CTNND2: variants seen among roughly 807,000 people sequenced by gnomAD.
The protein encoded by CTNND2 is catenin delta 2.
In CTNND2, 22 loss-of-function variants were observed where a neutral mutation model predicts 144.4. That is an observed-to-expected ratio of 0.15 (90% CI 0.11 to 0.22). The LOEUF is 0.22. Among genes scored for constraint, CTNND2 ranks in the 10% least tolerant of loss-of-function variants. The probability of loss-of-function intolerance (pLI) is 1.00; values close to 1 mark genes in which losing one functional copy is unlikely to be tolerated. For missense variants in CTNND2, 1,353 were observed against 1,618.8 expected (o/e 0.84, Z 2.82); for synonymous variants, 751 against 695.6 (o/e 1.08, Z -1.25).
At chr5:11,316,889 G>A (rs1029218667) in intron 9 of CTNND2, among the ~76,000 whole-genome samples, 11 of 151,644 alleles carry the variant, frequency 7.3e-5, no homozygotes, top group East Asian at 1.9e-4. Context: ...CCAGTCTATC[G>A]TTGTTGGACA....
Position 11,597,280 on chromosome 5 carries a change from C to A in CTNND2, c.175-32224G>T, listed in dbSNP as rs12519415. Reference sequence around the variant, plus strand: ...GTGTATGTTACAGCTTAAGTTCGTTCTAGAACTGATATTGCATTATTTGAA... The same window carrying A: ...GTGTATGTTACAGCTTAAGTTCGTTATAGAACTGATATTGCATTATTTGAA... On this transcript the variant is annotated intron_variant, in intron 2 of 21. Transcript: ENST00000304623. Among the ~76,000 whole-genome samples, 600 of 152,272 alleles carry A rather than the reference C, an allele frequency of 3.9e-3. 33 individuals are homozygous for A. In the East Asian group the frequency reaches 0.1, roughly 26 times the overall value.
chr5:11,440,890 G>A (rs1764201352), intron 3 of CTNND2, among the ~76,000 whole-genome samples: 1 of 152,094 alleles, frequency 6.6e-6, no homozygotes, highest in South Asian at 2.1e-4. Context: ...TTTATATGCT[G>A]AGTTTACACA....
chr5:11,169,509 G>C (rs545829095), intron 11 of CTNND2, among the ~76,000 whole-genome samples: 17 of 152,248 alleles, frequency 1.1e-4, no homozygotes, highest in African/African-American at 4.1e-4. Flanking sequence ...TGGAACAAAG[G>C]GTATTGAGCT....
intron 2 of CTNND2, among the ~76,000 whole-genome samples, chr5:11,725,802 T>A (rs1786985369): frequency 6.6e-6 from 1 of 152,212 alleles, no homozygotes; most frequent in Admixed American, 6.5e-5. Context: ...CTGTTCTTTT[T>A]AAAAAACGTT....
Position 11,116,926 on chromosome 5 carries a change from G to C in CTNND2, c.2277+524C>G, listed in dbSNP as rs138395127. On this transcript the variant is annotated intron_variant, in intron 13 of 21. Coordinates refer to ENST00000304623, the MANE Select transcript of CTNND2 (RefSeq NM_001332.4). ...TACAAAAAAATAGCCGGGTGTGGTG[G>C]TGCACGCCTGTAATCTTAGCTACTC... is the stretch of plus-strand genomic sequence containing the variant. Among the ~76,000 whole-genome samples, 597 of 152,140 alleles carry C rather than the reference G, an allele frequency of 3.9e-3. 4 individuals are homozygous for C. Among genetic ancestry groups the C allele is most frequent in the South Asian group, 0.011 (51 of 4,804 alleles).
chr5:11,895,849 A>G (rs919409034), intron 1 of CTNND2, among the ~76,000 whole-genome samples: 2 of 152,202 alleles, frequency 1.3e-5, no homozygotes, highest in African/African-American at 4.8e-5. Flanking sequence ...AAATTAGAAA[A>G]TATTTAACCT....
chr5:11,429,315 A>G (rs1763056982), intron 3 of CTNND2, among the ~76,000 whole-genome samples: 1 of 152,222 alleles, frequency 6.6e-6, no homozygotes, highest in South Asian at 2.1e-4. Context: ...TTTCACTTAT[A>G]AATGTTCCAT....
At chr5:11,097,580 G>C (rs1179470458) in intron 15 of CTNND2, among the ~76,000 whole-genome samples, 2 of 152,170 alleles carry the variant, frequency 1.3e-5, no homozygotes, top group African/African-American at 2.4e-5. Context: ...TGGAAACAAA[G>C]GATGACAGAG....
At chr5:11,479,879 G>A (rs1014274225) in intron 3 of CTNND2, among the ~76,000 whole-genome samples, 15 of 151,940 alleles carry the variant, frequency 9.9e-5, no homozygotes, top group African/African-American at 3.6e-4. Flanking sequence ...TTATAAATTG[G>A]TTAAGTTCCT....
chr5:11,189,226 T>C (rs1366018076), intron 11 of CTNND2, among the ~76,000 whole-genome samples: 1 of 152,198 alleles, frequency 6.6e-6, no homozygotes. Flanking sequence ...ACAGGTGCCA[T>C]GATCTTGACC....
At chr5:11,743,307 C>G (rs1219514085) in intron 1 of CTNND2, among the ~76,000 whole-genome samples, 1 of 152,126 alleles carries the variant, frequency 6.6e-6, no homozygotes, top group African/African-American at 2.4e-5. Context: ...CTCTATGTGG[C>G]ATTTGAAATG....
chr5:11,607,939 C>T (rs1205808480), intron 2 of CTNND2, among the ~76,000 whole-genome samples: 1 of 152,150 alleles, frequency 6.6e-6, no homozygotes, highest in Admixed American at 6.6e-5. Flanking sequence ...TCATTATCAA[C>T]CATAAAAAAC....
At chr5:11,175,949 C>T (rs1760441277) in intron 11 of CTNND2, among the ~76,000 whole-genome samples, 1 of 152,170 alleles carries the variant, frequency 6.6e-6, no homozygotes, top group Admixed American at 6.5e-5. Context: ...TTCCCATGCG[C>T]ATTCCTTTTA....
intron 1 of CTNND2, among the ~76,000 whole-genome samples, chr5:11,758,188 T>C (rs1020182454): frequency 6.6e-6 from 1 of 151,988 alleles, no homozygotes; most frequent in Non-Finnish European, 1.5e-5. Context: ...ATCTTTCTAA[T>C]TCCCTATGAT....
intron 1 of CTNND2, among the ~76,000 whole-genome samples, chr5:11,902,342 T>C (rs1198419754): frequency 6.6e-6 from 1 of 152,182 alleles, no homozygotes; most frequent in African/African-American, 2.4e-5. Flanking sequence ...ACACGTCTCG[T>C]AGCAGAAATC....
At chr5:11,215,947 T>C (rs939633405) in intron 10 of CTNND2, among the ~76,000 whole-genome samples, 2 of 152,094 alleles carry the variant, frequency 1.3e-5, no homozygotes, top group Non-Finnish European at 2.9e-5. Flanking sequence ...ATAACGAGAG[T>C]TGGGACTTAT....
chr5:11,627,720 G>A lies in CTNND2; in HGVS notation c.175-62664C>T, dbSNP rs930705241. 5.9e-5 allele frequency among the ~76,000 whole-genome samples: 9 copies of A among 151,564 alleles called. 1 individual carries two copies. The South Asian group carries it at 1.5e-3, about 25-fold the overall frequency. On this transcript the variant is annotated intron_variant, in intron 2 of 21. Coordinates refer to ENST00000304623, the MANE Select transcript of CTNND2 (RefSeq NM_001332.4). ...GTGTGGGGGAGGGCAATGGTTTCGG[G>A]ATGATTCAAGTGTGTTACATTTATT...
At position 11,564,989 on chromosome 5, in the gene CTNND2, T is replaced by A. The variant is rs761431434; in HGVS notation, c.242A>T (p.Glu81Val). Residue 81 changes from glutamate to valine, a missense_variant, in exon 3 of 22, where the codon GAG becomes GTG. Physicochemically the swap from Glu to Val is moderately radical, Grantham distance 121. Coordinates refer to ENST00000304623, the MANE Select transcript of CTNND2 (RefSeq NM_001332.4). The part of the protein sequence containing the change: ...AERQIVASQL[E>V]RCKLGSETGS... ...AGTCTCGGATCCGAGCTTGCATCGC[T>A]CCAGCTGGCTGGCTACGATCTGCCG... is the stretch of plus-strand genomic sequence containing the variant. 4 of 1,613,938 alleles carry A rather than the reference T, an allele frequency of 2.5e-6. No homozygotes were observed. In the African/African-American group the frequency reaches 5.3e-5, roughly 22 times the overall value.
At chr5:11,204,745 T>G (rs1452707713) in intron 10 of CTNND2, among the ~76,000 whole-genome samples, 1 of 152,176 alleles carries the variant, frequency 6.6e-6, no homozygotes, top group African/African-American at 2.4e-5. Context: ...ATAATGATGA[T>G]GTATAGTGGA....
Sources: gnomAD v4.1 joint callset for allele counts (sites outside exome capture counted in the v4.1 genomes callset) on GRCh38, gnomAD v4.1.1 for gene constraint, MANE v1.5 for transcripts, NCBI Gene and HGNC (gene_info 2026-07-23, HGNC 2026-07-21) for gene names.